Variants in ODAD2 observed in about 807,000 individuals in gnomAD.
ODAD2 encodes outer dynein arm-docking complex subunit 2.
In ODAD2, 89 loss-of-function variants were observed where a neutral mutation model predicts 106.8. The observed-to-expected ratio is 0.83, with a 90% CI of 0.70 to 0.99. The LOEUF (loss-of-function observed/expected upper bound fraction) is 0.99, where lower values mean the gene tolerates loss of function less well. Among genes scored for constraint, ODAD2 ranks in the 50% least tolerant of loss-of-function variants. The pLI is 0.00. For synonymous variants in ODAD2, 404 were observed against 436.2 expected (o/e 0.93, Z 0.92); for missense variants, 1,168 against 1,238.5 (o/e 0.94, Z 0.85).
At chr10:27,889,773 C>T (rs1222966258) in intron 17 of ODAD2, among the ~76,000 whole-genome samples, 1 of 152,172 alleles carries the variant, frequency 6.6e-6, no homozygotes, top group South Asian at 2.1e-4. Context: ...GGTTAAGCAG[C>T]CCCGTGACCT....
chr10:27,944,474 T>C, intron 11 of ODAD2, 43 bp from the exon 12 acceptor site: 1 of 1,545,476 alleles, frequency 6.5e-7, no homozygotes, highest in Non-Finnish European at 8.9e-7. Context: ...ATGTAACCCG[T>C]GCTATGTTTT....
At chr10:27,912,910 C>A (rs1220974133) in intron 16 of ODAD2, among the ~76,000 whole-genome samples, 1 of 152,062 alleles carries the variant, frequency 6.6e-6, no homozygotes, top group Non-Finnish European at 1.5e-5. Context: ...AAGGTTTTTA[C>A]GTTTCTACCT....
At chr10:27,924,978 T>A in intron 16 of ODAD2, among the ~76,000 whole-genome samples, 5 of 130,578 alleles carry the variant, frequency 3.8e-5, no homozygotes, top group African/African-American at 5.4e-5. Context: ...TGTTCCAGAG[T>A]ATTTAAAATG....
At chr10:27,890,221 A>G (rs939541741) in intron 17 of ODAD2, among the ~76,000 whole-genome samples, 1 of 152,172 alleles carries the variant, frequency 6.6e-6, no homozygotes, top group African/African-American at 2.4e-5. Context: ...TAAGCAAGTG[A>G]ACTGGAAGAA....
rs1475586824 is a variant in ODAD2, at chr10:27,964,136, C to T, written c.1239-2421G>A. ...ACTTGGGAGGCTGAGGTAGGAGAAG[C>T]ACTTGAACCTGGAAGGCAGAGGTTG... On this transcript the variant is annotated intron_variant, in intron 9 of 19. Transcript: ENST00000305242. Among the ~76,000 whole-genome samples, 3 of 152,144 alleles carry T rather than the reference C, an allele frequency of 2.0e-5. No individual in the cohort carries two copies. In the East Asian group the frequency reaches 5.8e-4, roughly 29 times the overall value.
intron 17 of ODAD2, among the ~76,000 whole-genome samples, chr10:27,903,049 A>G (rs968156549): frequency 1.3e-5 from 2 of 152,230 alleles, no homozygotes; most frequent in Non-Finnish European, 2.9e-5. Context: ...GAAAATCCTC[A>G]ATAAAATACT....
chr10:27,909,884 C>T (rs1843879613), intron 16 of ODAD2, among the ~76,000 whole-genome samples: 1 of 123,098 alleles, frequency 8.1e-6, no homozygotes, highest in African/African-American at 3.1e-5. Flanking sequence ...ATGACAAGAA[C>T]ATGATTGAAA....
At chr10:27,874,143 T>C (rs1841134097) in intron 17 of ODAD2, among the ~76,000 whole-genome samples, 1 of 152,220 alleles carries the variant, frequency 6.6e-6, no homozygotes, top group African/African-American at 2.4e-5. Context: ...TCTTTGTTGG[T>C]TTAAAGTCTG....
chr10:27,821,284 T>TC (rs1466741244), intron 19 of ODAD2, among the ~76,000 whole-genome samples: 2 of 152,206 alleles, frequency 1.3e-5, no homozygotes, highest in Non-Finnish European at 2.9e-5. Flanking sequence ...GTATTGTTTT[T>TC]CCCGAGTTTT....
intron 17 of ODAD2, among the ~76,000 whole-genome samples, chr10:27,906,594 CA>C (rs1002805795): frequency 1.3e-5 from 2 of 152,100 alleles, no homozygotes; most frequent in African/African-American, 4.8e-5. Context: ...TTCACAATAG[CA>C]AAGACTTGGA....
At chr10:27,859,863 G>A (rs1219085500) in intron 19 of ODAD2, among the ~76,000 whole-genome samples, 2 of 151,944 alleles carry the variant, frequency 1.3e-5, no homozygotes, top group Non-Finnish European at 2.9e-5. Context: ...AAACAAACAT[G>A]TCTTTGAATC....
At chr10:27,838,902 A>G (rs913729252) in intron 19 of ODAD2, among the ~76,000 whole-genome samples, 1 of 152,224 alleles carries the variant, frequency 6.6e-6, no homozygotes, top group Admixed American at 6.5e-5. Context: ...AACAGATCCA[A>G]GGACCTACAG....
At position 27,873,568 on chromosome 10, in the gene ODAD2, T is replaced by C. The variant is rs536320835; in HGVS notation, c.2611-10946A>G. 2.0e-3 allele frequency among the ~76,000 whole-genome samples: 301 copies of C among 150,372 alleles called. 1 individual carries two copies. Among genetic ancestry groups the C allele is most frequent in the African/African-American group, 7.0e-3 (287 of 40,786 alleles). The stretch of plus-strand genomic sequence containing the variant: ...CTGGTGTGTTGTGTCTTTGTTCTCA[T>C]TGTTTTCAAAGAACATCTTTATTTC... On this transcript the variant is annotated intron_variant, in intron 17 of 19. Coordinates refer to ENST00000305242, the MANE Select transcript of ODAD2 (RefSeq NM_018076.5).
At chr10:27,955,599 T>C (rs1030014913) in intron 10 of ODAD2, among the ~76,000 whole-genome samples, 1 of 152,126 alleles carries the variant, frequency 6.6e-6, no homozygotes, top group African/African-American at 2.4e-5. Context: ...GAAAGGAATT[T>C]AATTAACTGT....
At chr10:27,924,023 AAG>A (rs1364963326) in intron 16 of ODAD2, among the ~76,000 whole-genome samples, 86 of 129,158 alleles carry the variant, frequency 6.7e-4, no homozygotes, top group Middle Eastern at 3.9e-3. Flanking sequence ...AGAAAGAAAG[AAG>A]GAAAGAGAAA....
chr10:27,845,285 G>C (rs904802315), intron 19 of ODAD2, among the ~76,000 whole-genome samples: 6 of 152,142 alleles, frequency 3.9e-5, no homozygotes, highest in Non-Finnish European at 8.8e-5. Flanking sequence ...TTAAAGAAAA[G>C]AATTTTCAAC....
At chr10:27,977,060 C>A (rs975845975) in intron 7 of ODAD2, among the ~76,000 whole-genome samples, 2 of 151,896 alleles carry the variant, frequency 1.3e-5, no homozygotes, top group African/African-American at 2.4e-5. Context: ...GAACTTTGAT[C>A]CATAACTCAT....
chr10:27,830,703 G>C (rs372106683), intron 19 of ODAD2, among the ~76,000 whole-genome samples: 1 of 152,180 alleles, frequency 6.6e-6, no homozygotes, highest in South Asian at 2.1e-4. Flanking sequence ...TGGAGCACTG[G>C]AGTGGATTGT....
intron 16 of ODAD2, among the ~76,000 whole-genome samples, chr10:27,909,735 T>C (rs1843857072): frequency 6.7e-6 from 1 of 148,388 alleles, no homozygotes; most frequent in Non-Finnish European, 1.5e-5. Context: ...GGAGAGTCGC[T>C]TGAACCCAGG....
Sources: allele counts gnomAD v4.1 joint callset (sites outside exome capture counted in the v4.1 genomes callset), GRCh38; gene constraint gnomAD v4.1.1; transcripts MANE v1.5; gene names NCBI Gene and HGNC (gene_info 2026-07-23, HGNC 2026-07-21).